Variants in SLC8A3 observed in about 807,000 individuals in gnomAD.
SLC8A3 encodes solute carrier family 8 member A3.
A neutral mutation model predicts 65.4 loss-of-function variants in SLC8A3; 37 were observed. The ratio of observed to expected loss-of-function variants is 0.57; its 90% CI spans 0.44 to 0.74. The LOEUF (loss-of-function observed/expected upper bound fraction) is 0.74. Ranked by LOEUF, SLC8A3 falls within the 30% of genes least tolerant of loss-of-function variation. The pLI, the probability that SLC8A3 is intolerant of heterozygous loss-of-function variation, is 0.00. For synonymous variants in SLC8A3, 461 were observed against 444.5 expected (o/e 1.04, Z -0.47); for missense variants, 1,112 against 1,172.1 (o/e 0.95, Z 0.75).
Position 70,167,736 on chromosome 14 carries a change from G to C in SLC8A3, c.687C>G (p.Val229=). ...GAGTGAGGAGGCCTTCCCAAACCTGGACCACACCAGGGGAGAAGACTGCCA... is the reference window on the plus strand; with the variant it reads ...GAGTGAGGAGGCCTTCCCAAACCTGCACCACACCAGGGGAGAAGACTGCCA... ...MILAVFSPGV[V]QVWEGLLTLF... is the part of the protein sequence containing the mutation. The change falls in exon 2 of 7, where the codon GTC becomes GTG. Residue 229 remains valine (V), a synonymous_variant. Transcript: ENST00000356921. 1 of 1,614,114 alleles carries C rather than the reference G, an allele frequency of 6.2e-7. No homozygotes were observed. The highest frequency in any genetic ancestry group is 8.5e-7 in the Non-Finnish European group (1 of 1,180,008).
chr14:70,106,704 A>G lies in SLC8A3; in HGVS notation c.1785-45765T>C, dbSNP rs918500502. Among the ~76,000 whole-genome samples the G allele has an allele frequency of 3.3e-5, 5 of 152,148 alleles. 1 individual carries two copies. The highest frequency in any genetic ancestry group is 3.3e-4 in the Admixed American group (5 of 15,282). On this transcript the variant is annotated intron_variant, in intron 2 of 6. Coordinates refer to ENST00000356921, the MANE Select transcript of SLC8A3 (RefSeq NM_182932.3). ...AGAAGATCTCAGAGTTGAAGCCCAT[A>G]TTCAATTTGATTTGATTAAATTCTT...
intron 2 of SLC8A3, among the ~76,000 whole-genome samples, chr14:70,155,914 C>T (rs1896546853): frequency 6.6e-6 from 1 of 152,230 alleles, no homozygotes; most frequent in Non-Finnish European, 1.5e-5. Context: ...TTATATTCTT[C>T]CAGCAGTCCA....
At chr14:70,136,632 C>G (rs1332660699) in intron 2 of SLC8A3, among the ~76,000 whole-genome samples, 3 of 152,222 alleles carry the variant, frequency 2.0e-5, no homozygotes, top group Non-Finnish European at 4.4e-5. Flanking sequence ...TTTGCTTTAA[C>G]CATCACCATA....
intron 2 of SLC8A3, among the ~76,000 whole-genome samples, chr14:70,123,444 CCTGT>C (rs1894217667): frequency 7.1e-6 from 1 of 140,968 alleles, no homozygotes; most frequent in Non-Finnish European, 1.6e-5. Context: ...TTTTTATTTT[CCTGT>C]CTATTTTTTT....
At chr14:70,099,663 A>G (rs1566779380) in intron 2 of SLC8A3, among the ~76,000 whole-genome samples, 1 of 152,186 alleles carries the variant, frequency 6.6e-6, no homozygotes, top group East Asian at 1.9e-4. Flanking sequence ...AAAATGACCT[A>G]GATTTGTTTT....
At chr14:70,080,080 T>G (rs1032597704) in intron 2 of SLC8A3, 52 of 985,294 alleles carry the variant, frequency 5.3e-5, no homozygotes, top group Non-Finnish European at 6.3e-5. Flanking sequence ...GATGGTTCCC[T>G]TTCCTTCCCC....
chr14:70,101,155 T>C (rs1438128103), intron 2 of SLC8A3, among the ~76,000 whole-genome samples: 1 of 152,218 alleles, frequency 6.6e-6, no homozygotes, highest in Non-Finnish European at 1.5e-5. Flanking sequence ...ATTTCTGTTC[T>C]CCTGGACTGT....
chr14:70,126,189 G>A (rs542924746), intron 2 of SLC8A3, among the ~76,000 whole-genome samples: 1 of 152,104 alleles, frequency 6.6e-6, no homozygotes, highest in African/African-American at 2.4e-5. Flanking sequence ...GCTCCAGTCT[G>A]CTGTAGCCAT....
chr14:70,050,302 C>T (rs1169565995), intron 5 of SLC8A3, among the ~76,000 whole-genome samples: 1 of 152,154 alleles, frequency 6.6e-6, no homozygotes, highest in African/African-American at 2.4e-5. Context: ...TGTCTTTTTG[C>T]TCTGGCTCTG....
intron 2 of SLC8A3, among the ~76,000 whole-genome samples, chr14:70,164,080 G>C (rs1191622828): frequency 6.6e-6 from 1 of 152,114 alleles, no homozygotes; most frequent in African/African-American, 2.4e-5. Context: ...GAAGAGTCTT[G>C]TTTCCTGAGC....
At chr14:70,110,317 T>C (rs1893192470) in intron 2 of SLC8A3, among the ~76,000 whole-genome samples, 2 of 141,054 alleles carry the variant, frequency 1.4e-5, no homozygotes, top group South Asian at 4.6e-4. Flanking sequence ...CAGTTAACCA[T>C]CCCACCCTCC....
chr14:70,142,171 G>T (rs1294884146), intron 2 of SLC8A3, among the ~76,000 whole-genome samples: 3 of 152,188 alleles, frequency 2.0e-5, no homozygotes, highest in Non-Finnish European at 4.4e-5. Context: ...TGATATGGAG[G>T]GTGACCATTC....
chr14:70,082,656 C>A (rs539228960), intron 2 of SLC8A3, among the ~76,000 whole-genome samples: 15 of 152,308 alleles, frequency 9.8e-5, no homozygotes, highest in African/African-American at 2.9e-4. Flanking sequence ...TCTTCTCTCA[C>A]CTTGCCCTGT....
At chr14:70,168,531 C>G (rs981726942) in intron 1 of SLC8A3, 47 bp from the exon 2 acceptor site, 6 of 780,336 alleles carry the variant, frequency 7.7e-6, no homozygotes, top group Non-Finnish European at 1.2e-5. Flanking sequence ...AAAAAGGGGA[C>G]AGCAAACGGC....
chr14:70,060,429 C>T (rs1217952119), intron 3 of SLC8A3, among the ~76,000 whole-genome samples: 1 of 152,138 alleles, frequency 6.6e-6, no homozygotes, highest in Non-Finnish European at 1.5e-5. Context: ...TTCTCCTCCC[C>T]ACCCACCAAG....
intron 2 of SLC8A3, among the ~76,000 whole-genome samples, chr14:70,109,034 C>A (rs1199031161): frequency 6.6e-6 from 1 of 152,156 alleles, no homozygotes; most frequent in Non-Finnish European, 1.5e-5. Context: ...TCTGTCTCAG[C>A]ACTCTTTCAT....
chr14:70,173,643 C>T (rs936053302), intron 1 of SLC8A3, among the ~76,000 whole-genome samples: 1 of 152,196 alleles, frequency 6.6e-6, no homozygotes, highest in African/African-American at 2.4e-5. Flanking sequence ...AGTTGTCCCA[C>T]TCTGCTTCTA....
intron 2 of SLC8A3, among the ~76,000 whole-genome samples, chr14:70,079,071 T>C (rs548106701): frequency 1.3e-5 from 2 of 152,190 alleles, no homozygotes; most frequent in African/African-American, 4.8e-5. Context: ...ATTGTATAAT[T>C]GTTTCCTTAT....
intron 2 of SLC8A3, among the ~76,000 whole-genome samples, chr14:70,064,136 G>C (rs1357957033): frequency 6.6e-6 from 1 of 152,176 alleles, no homozygotes; most frequent in Non-Finnish European, 1.5e-5. Flanking sequence ...CTGCTTCATG[G>C]CATGATCATA....
Sources: allele counts gnomAD v4.1 joint callset (sites outside exome capture counted in the v4.1 genomes callset), GRCh38; gene constraint gnomAD v4.1.1; transcripts MANE v1.5; gene names NCBI Gene and HGNC (gene_info 2026-07-23, HGNC 2026-07-21).